Variants in PHLPP1 observed in about 807,000 individuals in gnomAD.
PHLPP1 encodes the protein PH domain and leucine rich repeat protein phosphatase 1, also known as PH domain leucine-rich repeat-containing protein phosphatase 1.
In PHLPP1, 42 loss-of-function variants were observed where a neutral mutation model predicts 117.2. That is an observed-to-expected ratio of 0.36 (90% CI 0.28 to 0.46). The LOEUF (loss-of-function observed/expected upper bound fraction) is 0.46. Among genes scored for constraint, PHLPP1 ranks in the 20% least tolerant of loss-of-function variants. The pLI is 1.00. For synonymous variants in PHLPP1, 1,042 were observed against 970.7 expected, an observed-to-expected ratio of 1.07 and a Z score of -1.37; for missense variants, 2,084 against 2,241.9, an observed-to-expected ratio of 0.93 and a Z score of 1.42.
Position 62,715,605 on chromosome 18 carries a change from G to C in PHLPP1, c.-79G>C. 1.0e-6 allele frequency: 1 copy of C among 989,116 alleles called. No individual in the cohort carries two copies. The highest frequency in any genetic ancestry group is 1.3e-6 in the Non-Finnish European group (1 of 761,394). The allele number at this position is 989,116 out of a possible 1,614,324, so 61.3% of individuals were successfully genotyped here. On this transcript the variant is annotated 5_prime_UTR_variant, in exon 1 of 17. Coordinates refer to ENST00000262719, the MANE Select transcript of PHLPP1 (RefSeq NM_194449.4). ...TCTCCCTTCTCCGCGCGCCGCCGCC[G>C]TCTCCCACCTCCGCCTCATCGCCTC...
intron 9 of PHLPP1, among the ~76,000 whole-genome samples, chr18:62,917,007 G>A (rs1464946339): frequency 1.3e-5 from 2 of 150,732 alleles, no homozygotes; most frequent in East Asian, 3.9e-4. Context: ...GCCTGCCTCA[G>A]CCTCCCAAAG....
At chr18:62,794,720 C>CT (rs1030144967) in intron 1 of PHLPP1, among the ~76,000 whole-genome samples, 13 of 151,974 alleles carry the variant, frequency 8.6e-5, no homozygotes, top group African/African-American at 2.9e-4. Context: ...AAAGAACTAG[C>CT]TTTTTTTTAC....
rs773977235 is a variant in PHLPP1, at chr18:62,979,226, G to A, written c.4949G>A (p.Gly1650Asp). ...GACGCACCTCTTCGAAAGCCTGGAG[G>A]CTATTTTGCTGCCCCGGCTCAGCCG... Reference protein sequence around the residue: ...ATDAPLRKPGGYFAAPAQPDP... With the variant: ...ATDAPLRKPGDYFAAPAQPDP... Residue 1650 changes from glycine to aspartate, a missense_variant, in exon 17 of 17, where the codon GGC (glycine) becomes GAC (aspartate). By Grantham distance (94) the Gly-to-Asp change is moderately conservative (BLOSUM62 -1). Transcript: ENST00000262719. The A allele has an allele frequency of 6.2e-7, 1 of 1,606,442 alleles. No individual in the cohort carries two copies. Among genetic ancestry groups the A allele is most frequent in the Non-Finnish European group, 8.5e-7 (1 of 1,176,402 alleles).
chr18:62,783,790 A>T (rs1913198074), intron 1 of PHLPP1, among the ~76,000 whole-genome samples: 1 of 152,156 alleles, frequency 6.6e-6, no homozygotes, highest in Non-Finnish European at 1.5e-5. Flanking sequence ...TTATGGGGTG[A>T]AATGATTGAC....
intron 10 of PHLPP1, among the ~76,000 whole-genome samples, chr18:62,920,663 G>A (rs1406860556): frequency 6.6e-6 from 1 of 152,036 alleles, no homozygotes; most frequent in Non-Finnish European, 1.5e-5. Context: ...AGGTTCAAGC[G>A]ATTCTCCTGC....
chr18:62,914,494 A>G (rs777410494), intron 8 of PHLPP1, among the ~76,000 whole-genome samples: 1 of 152,162 alleles, frequency 6.6e-6, no homozygotes, highest in Non-Finnish European at 1.5e-5. Context: ...GAGTGCAGTG[A>G]TGAGATCATA....
chr18:62,736,549 AGATTGTGTAGCGGATATCACT>A (rs1911373298), intron 1 of PHLPP1, among the ~76,000 whole-genome samples: 1 of 152,212 alleles, frequency 6.6e-6, no homozygotes, highest in South Asian at 2.1e-4. Flanking sequence ...AGGAAGCAAC[AGATTGTGTAGCGGATATCACT>A]GATTAATTCA....
At chr18:62,882,419 C>T (rs943051298) in intron 4 of PHLPP1, among the ~76,000 whole-genome samples, 1 of 152,124 alleles carries the variant, frequency 6.6e-6, no homozygotes, top group Non-Finnish European at 1.5e-5. Flanking sequence ...CAGGCGCCCG[C>T]CACCGCGCCT....
intron 1 of PHLPP1, chr18:62,826,207 CT>C: frequency 2.7e-6 from 1 of 365,406 alleles, no homozygotes; most frequent in Non-Finnish European, 5.5e-6. Flanking sequence ...TTTAAGGTAG[CT>C]TTATATGACA....
At chr18:62,907,364 CG>C (rs1916878112) in intron 8 of PHLPP1, among the ~76,000 whole-genome samples, 1 of 33,016 alleles carries the variant, frequency 3.0e-5, no homozygotes, top group African/African-American at 8.2e-5. Flanking sequence ...CTCTGAGCTA[CG>C]GGAGGACATT....
intron 14 of PHLPP1, among the ~76,000 whole-genome samples, chr18:62,970,826 G>A (rs1328261244): frequency 2.6e-5 from 4 of 152,188 alleles, no homozygotes; most frequent in African/African-American, 4.8e-5. Flanking sequence ...TGTCATTATC[G>A]TTGTGCTTCA....
Position 62,964,038 on chromosome 18 carries a change from A to C in PHLPP1, c.3560+566A>C, listed in dbSNP as rs567635. On this transcript the variant is annotated intron_variant, in intron 14 of 16. Coordinates refer to ENST00000262719, the MANE Select transcript of PHLPP1 (RefSeq NM_194449.4). The stretch of plus-strand genomic sequence containing the variant: ...TTCCCCACCCTTCCCTCTCTTAGAT[A>C]CAGATATTGATTTTTCCTGAAAAAT... Among the ~76,000 whole-genome samples the C allele has an allele frequency of 3.3e-5, 5 of 151,494 alleles. No individual in the cohort carries two copies. In the South Asian group the frequency reaches 8.3e-4, roughly 25 times the overall value.
chr18:62,784,448 TG>T (rs5825494), intron 1 of PHLPP1, among the ~76,000 whole-genome samples: 6,641 of 152,306 alleles, frequency 0.044, 162 homozygotes, highest in Middle Eastern at 0.072. Context: ...CTATAACTCA[TG>T]GTAGGTTTTG....
chr18:62,955,625 A>G (rs1910589319), intron 12 of PHLPP1, among the ~76,000 whole-genome samples: 2 of 152,192 alleles, frequency 1.3e-5, no homozygotes, highest in Admixed American at 6.5e-5. Flanking sequence ...GAAGGTCTGC[A>G]TTACAGCCTG....
intron 12 of PHLPP1, among the ~76,000 whole-genome samples, chr18:62,950,834 A>C (rs980524773): frequency 4.6e-5 from 7 of 152,152 alleles, no homozygotes; most frequent in Non-Finnish European, 7.4e-5. Flanking sequence ...TACAAGGACT[A>C]AGGAAAGAGG....
intron 1 of PHLPP1, among the ~76,000 whole-genome samples, chr18:62,796,729 A>G (rs890257677): frequency 2.0e-5 from 3 of 152,242 alleles, no homozygotes; most frequent in Admixed American, 2.0e-4. Context: ...ATAAACAAAG[A>G]CAAGAGAAAG....
rs967174122 is a variant in PHLPP1, at chr18:62,889,335, C to T, written c.2067-5676C>T. Among the ~76,000 whole-genome samples, 119 of 152,106 alleles carry T rather than the reference C, an allele frequency of 7.8e-4. 1 individual carries two copies. Among genetic ancestry groups the T allele is most frequent in the African/African-American group, 2.7e-3 (111 of 41,464 alleles). On this transcript the variant is annotated intron_variant, in intron 4 of 16. Transcript: ENST00000262719. ...TCTTAAAATTTATAGGTCTAGGGTA[C>T]GAGTATAAATGGAGAGCCACATACC...
chr18:62,930,067 C>A (rs962539279), intron 10 of PHLPP1, among the ~76,000 whole-genome samples: 1 of 152,148 alleles, frequency 6.6e-6, no homozygotes, highest in African/African-American at 2.4e-5. Context: ...AGAATGCTGA[C>A]AAAAACTGGC....
intron 10 of PHLPP1, among the ~76,000 whole-genome samples, chr18:62,939,037 T>A (rs1910055360): frequency 6.7e-6 from 1 of 150,248 alleles, no homozygotes; most frequent in South Asian, 2.1e-4. Context: ...GTTGCCCAGG[T>A]TAGAGCACAA....
Sources: gnomAD v4.1 joint callset for allele counts (sites outside exome capture counted in the v4.1 genomes callset) on GRCh38, gnomAD v4.1.1 for gene constraint, MANE v1.5 for transcripts, NCBI Gene and HGNC (gene_info 2026-07-23, HGNC 2026-07-21) for gene names.